The following ARHGAP32 variants were observed in gnomAD, a reference collection of about 807,000 sequenced individuals.
The protein encoded by ARHGAP32 is Rho GTPase activating protein 32, also known as rho GTPase-activating protein 32.
In ARHGAP32, 51 loss-of-function variants were observed where a neutral mutation model predicts 186.5. That is an observed-to-expected ratio of 0.27 (90% CI 0.22 to 0.35). The LOEUF (loss-of-function observed/expected upper bound fraction) is 0.35, where lower values mean the gene tolerates loss of function less well. Ranked by LOEUF, ARHGAP32 falls within the 10% of genes least tolerant of loss-of-function variation. The pLI, the probability that ARHGAP32 is intolerant of heterozygous loss-of-function variation, is 1.00. For missense variants in ARHGAP32, 2,186 were observed against 2,623.5 expected, an observed-to-expected ratio of 0.83 and a Z score of 3.64; for synonymous variants, 950 against 964.3, an observed-to-expected ratio of 0.99 and a Z score of 0.27.
At chr11:129,020,872 A>G (rs534328595) in intron 11 of ARHGAP32, among the ~76,000 whole-genome samples, 1 of 152,216 alleles carries the variant, frequency 6.6e-6, no homozygotes, top group Admixed American at 6.5e-5. Context: ...TTTGATCAAT[A>G]TATCACAAAC....
chr11:129,002,886 G>A (rs111686805), intron 11 of ARHGAP32, among the ~76,000 whole-genome samples: 2 of 138,054 alleles, frequency 1.4e-5, no homozygotes, highest in African/African-American at 2.7e-5. Flanking sequence ...TCGGCTCACT[G>A]CAAGCTCCGC....
At chr11:128,997,119 T>C (rs1158872701) in intron 12 of ARHGAP32, among the ~76,000 whole-genome samples, 1 of 152,222 alleles carries the variant, frequency 6.6e-6, no homozygotes, top group Non-Finnish European at 1.5e-5. Flanking sequence ...TTTTAATATA[T>C]AGTAAAACTA....
At chr11:129,150,114 C>CAAAAAAAA (rs61492745) in intron 2 of ARHGAP32, among the ~76,000 whole-genome samples, 2 of 78,174 alleles carry the variant, frequency 2.6e-5, no homozygotes, top group East Asian at 3.6e-4. Flanking sequence ...CTGACAAAGA[C>CAAAAAAAA]AAAAAAAAAA....
chr11:129,275,050 T>G (rs1034111944), intron 1 of ARHGAP32, among the ~76,000 whole-genome samples: 1 of 152,242 alleles, frequency 6.6e-6, no homozygotes, highest in Non-Finnish European at 1.5e-5. Context: ...CTTAATGATC[T>G]GAAGTCAGCA....
chr11:129,023,671 C>T (rs1938699645), intron 11 of ARHGAP32, among the ~76,000 whole-genome samples: 1 of 152,082 alleles, frequency 6.6e-6, no homozygotes, highest in Admixed American at 6.5e-5. Context: ...AAAGTATAAA[C>T]TTTTTGACAA....
upstream of ARHGAP32, among the ~76,000 whole-genome samples, chr11:129,196,084 G>A (rs1479347284): frequency 1.3e-5 from 2 of 152,158 alleles, no homozygotes; most frequent in Non-Finnish European, 2.9e-5. Context: ...AACCTGAGGG[G>A]AAGGGAAATA....
chr11:129,037,399 T>C (rs557769303), intron 11 of ARHGAP32, among the ~76,000 whole-genome samples: 59 of 151,414 alleles, frequency 3.9e-4, no homozygotes, highest in African/African-American at 1.4e-3. Context: ...GAGGCTGAGG[T>C]GGAAAGATGC....
chr11:129,183,196 C>G (rs2135536738), intron 1 of ARHGAP32, among the ~76,000 whole-genome samples: 1 of 152,226 alleles, frequency 6.6e-6, no homozygotes, highest in South Asian at 2.1e-4. Context: ...TAATACTTCT[C>G]TTCATGTCCC....
intron 2 of ARHGAP32, among the ~76,000 whole-genome samples, chr11:129,157,933 T>C (rs1309768575): frequency 3.3e-5 from 5 of 151,716 alleles, no homozygotes; most frequent in Admixed American, 3.3e-4. Flanking sequence ...TTCAACATTC[T>C]AAAAAGAATT....
At chr11:129,228,239 G>T (rs7943723) in intron 1 of ARHGAP32, among the ~76,000 whole-genome samples, 135,649 of 152,244 alleles carry the variant, frequency 0.89, 60,697 homozygotes, top group African/African-American at 0.97. Flanking sequence ...TAGAGGAAAT[G>T]TATAGCTGTA....
At chr11:129,105,668 G>A (rs1565424887) in intron 5 of ARHGAP32, among the ~76,000 whole-genome samples, 3 of 151,920 alleles carry the variant, frequency 2.0e-5, no homozygotes. Flanking sequence ...AACTCTTAAG[G>A]ATAGACGAAA....
In ARHGAP32 at chr11:128,981,818, A is replaced by G; in HGVS notation, c.1634+11T>C. On this transcript the variant is annotated intron_variant, in intron 16 of 22. Coordinates refer to ENST00000682385, the MANE Select transcript of ARHGAP32 (RefSeq NM_001378024.1). ...AGTTCTACTAAAATTAATAAGTGAAATGCAAATTACCTTAACAGGTTTGGA... is the reference window on the plus strand; with the variant it reads ...AGTTCTACTAAAATTAATAAGTGAAGTGCAAATTACCTTAACAGGTTTGGA... The G allele has an allele frequency of 6.4e-7, 1 of 1,574,580 alleles. No homozygotes were observed.
intron 10 of ARHGAP32, among the ~76,000 whole-genome samples, chr11:129,054,716 A>G (rs561226160): frequency 2.7e-4 from 41 of 152,370 alleles, no homozygotes; most frequent in African/African-American, 9.4e-4. Flanking sequence ...TTTTACTTTT[A>G]CTTTCTGAAG....
intron 6 of ARHGAP32, among the ~76,000 whole-genome samples, chr11:129,070,430 C>T (rs1263911143): frequency 6.6e-6 from 1 of 151,994 alleles, no homozygotes; most frequent in Non-Finnish European, 1.5e-5. Context: ...TTAACATGCC[C>T]AGCCAGACAC....
intron 10 of ARHGAP32, among the ~76,000 whole-genome samples, chr11:129,060,040 T>C (rs918735248): frequency 2.0e-5 from 3 of 152,352 alleles, no homozygotes; most frequent in African/African-American, 7.2e-5. Flanking sequence ...ATAATTTGTT[T>C]TGGCAATAAA....
chr11:129,172,013 T>C (rs775398747), intron 1 of ARHGAP32, among the ~76,000 whole-genome samples: 25 of 152,178 alleles, frequency 1.6e-4, no homozygotes, highest in South Asian at 2.1e-4. Context: ...TTTTTACACA[T>C]TGATTTTGTA....
chr11:129,254,672 C>A (rs991795190), intron 1 of ARHGAP32, among the ~76,000 whole-genome samples: 9 of 152,088 alleles, frequency 5.9e-5, no homozygotes, highest in Non-Finnish European at 1.2e-4. Flanking sequence ...ATTCCTGTTT[C>A]ACCTTTTTAA....
chr11:129,058,450 T>C (rs1190013261), intron 10 of ARHGAP32, among the ~76,000 whole-genome samples: 1 of 152,182 alleles, frequency 6.6e-6, no homozygotes, highest in Non-Finnish European at 1.5e-5. Flanking sequence ...AGAACATGTT[T>C]CCCTATTAAC....
intron 6 of ARHGAP32, among the ~76,000 whole-genome samples, chr11:129,068,573 T>G (rs1470098567): frequency 6.6e-6 from 1 of 152,106 alleles, no homozygotes; most frequent in East Asian, 1.9e-4. Context: ...CTTGGCATCA[T>G]CAGAATTTAC....
Sources: gnomAD v4.1 joint callset for allele counts (sites outside exome capture counted in the v4.1 genomes callset) on GRCh38, gnomAD v4.1.1 for gene constraint, MANE v1.5 for transcripts, NCBI Gene and HGNC (gene_info 2026-07-23, HGNC 2026-07-21) for gene names.